RHBDL2: variants seen among roughly 807,000 people sequenced by gnomAD.
RHBDL2 encodes rhomboid-related protein 2.
Under a neutral mutation model 31.7 loss-of-function variants are expected in RHBDL2, and 26 were observed. The observed-to-expected ratio is 0.82, with a 90% CI of 0.60 to 1.14. RHBDL2 has a LOEUF of 1.14. Among genes scored for constraint, RHBDL2 ranks in the 50% most tolerant of loss-of-function variants. The pLI is 0.00. For missense variants in RHBDL2, 336 were observed against 364.4 expected, an observed-to-expected ratio of 0.92 and a Z score of 0.63; for synonymous variants, 123 against 127.2, an observed-to-expected ratio of 0.97 and a Z score of 0.22.
chr1:38,901,681 C>G (rs1467940305), intron 4 of RHBDL2, among the ~76,000 whole-genome samples: 1 of 151,156 alleles, frequency 6.6e-6, no homozygotes, highest in Non-Finnish European at 1.5e-5. Flanking sequence ...ACTAAAAATG[C>G]AAAAATTAGC....
intron 1 of RHBDL2, among the ~76,000 whole-genome samples, chr1:38,920,222 C>T (rs1459815404): frequency 7.2e-6 from 1 of 139,310 alleles, no homozygotes; most frequent in Non-Finnish European, 1.5e-5. Context: ...GGCTGGAGTC[C>T]AGTGGTGCGA....
chr1:38,921,557 A>G (rs2124342172), intron 1 of RHBDL2, among the ~76,000 whole-genome samples: 1 of 152,330 alleles, frequency 6.6e-6, no homozygotes, highest in Admixed American at 6.5e-5. Context: ...ATCAAATTCA[A>G]CTGATTTTCA....
At chr1:38,924,648 G>A (rs2124345592) in intron 1 of RHBDL2, among the ~76,000 whole-genome samples, 1 of 151,896 alleles carries the variant, frequency 6.6e-6, no homozygotes, top group South Asian at 2.1e-4. Context: ...ACTTTGCCTA[G>A]AATAAGCATT....
chr1:38,927,339 A>C (rs1643389850), intron 1 of RHBDL2, among the ~76,000 whole-genome samples: 1 of 152,086 alleles, frequency 6.6e-6, no homozygotes, highest in African/African-American at 2.4e-5. Flanking sequence ...AGGCAGGAGA[A>C]CGGCATGAAC....
chr1:38,886,636 A>C lies in RHBDL2; in HGVS notation c.780T>G (p.Ile260Met), dbSNP rs774482972. The change falls in exon 8 of 8, where the codon ATT (isoleucine) becomes ATG (methionine). Residue 260 changes from isoleucine (I) to methionine (M), a missense_variant. Physicochemically the swap from Ile to Met is conservative, Grantham distance 10. Coordinates refer to ENST00000372990, the MANE Select transcript of RHBDL2 (RefSeq NM_017821.5). ...HIAGGFAGMS[I>M]GYTVFSCFDK... is the part of the protein sequence containing the mutation. ...CAAAGCAGCTAAACACCGTGTAGCC[A>C]ATGGACATTCCAGCAAATCCACCTG... 7.6e-6 allele frequency: 12 copies of C among 1,588,640 alleles called. No individual in the cohort carries two copies. Among genetic ancestry groups the C allele is most frequent in the Non-Finnish European group, 1.0e-5 (12 of 1,164,534 alleles).
At chr1:38,918,832 G>T in intron 2 of RHBDL2, 135 bp downstream of exon 2, 1 of 1,035,284 alleles carries the variant, frequency 9.7e-7, no homozygotes, top group Non-Finnish European at 1.4e-6. Flanking sequence ...GCAGAGGTGA[G>T]GTGTGTGCTG....
chr1:38,920,862 G>A (rs1448633658), intron 1 of RHBDL2, among the ~76,000 whole-genome samples: 14 of 150,914 alleles, frequency 9.3e-5, no homozygotes, highest in African/African-American at 2.4e-4. Flanking sequence ...TGATCCGCCC[G>A]CCTCGGCCTC....
chr1:38,908,036 AAC>A (rs1207088706), intron 4 of RHBDL2, among the ~76,000 whole-genome samples: 1 of 152,122 alleles, frequency 6.6e-6, no homozygotes, highest in Admixed American at 6.6e-5. Flanking sequence ...CTCAAAATTC[AAC>A]AGTTAAAAAA....
chr1:38,888,500 G>C (rs1400867324), intron 6 of RHBDL2, among the ~76,000 whole-genome samples: 1 of 152,182 alleles, frequency 6.6e-6, no homozygotes, highest in South Asian at 2.1e-4. Flanking sequence ...GTGTCAAGGA[G>C]GATCTCTTTG....
At chr1:38,915,897 C>A (rs1010823015) in intron 2 of RHBDL2, among the ~76,000 whole-genome samples, 187 bp from the exon 3 acceptor site, 2 of 152,200 alleles carry the variant, frequency 1.3e-5, no homozygotes, top group African/African-American at 4.8e-5. Context: ...TACCCCACTT[C>A]CTCTGATGGT....
intron 1 of RHBDL2, among the ~76,000 whole-genome samples, chr1:38,925,272 C>T (rs10890514): frequency 0.16 from 23,785 of 151,682 alleles, 3,857 homozygotes; most frequent in African/African-American, 0.41. Context: ...CCGAGGCAGG[C>T]AGATCACTTG....
chr1:38,901,054 GATAAATAA>G (rs113007332), intron 4 of RHBDL2, among the ~76,000 whole-genome samples: 12 of 148,770 alleles, frequency 8.1e-5, no homozygotes, highest in East Asian at 3.9e-4. Context: ...TCTCTAAATA[GATAAATAA>G]ATAAATAAAT....
intron 1 of RHBDL2, among the ~76,000 whole-genome samples, chr1:38,930,653 A>T (rs1204627516): frequency 6.6e-6 from 1 of 152,174 alleles, no homozygotes; most frequent in Non-Finnish European, 1.5e-5. Flanking sequence ...AGACAGACAC[A>T]CTATTTACAT....
chr1:38,900,488 G>A (rs1642975031), intron 4 of RHBDL2, among the ~76,000 whole-genome samples: 1 of 152,166 alleles, frequency 6.6e-6, no homozygotes, highest in African/African-American at 2.4e-5. Context: ...AGGCATGGTG[G>A]TGCATGCCTA....
intron 2 of RHBDL2, among the ~76,000 whole-genome samples, chr1:38,918,742 G>A (rs530432877): frequency 1.3e-5 from 2 of 152,280 alleles, no homozygotes; most frequent in South Asian, 4.2e-4. Flanking sequence ...AGATTTGTCT[G>A]ACAAATGAAA....
At chr1:38,901,622 G>C (rs1048599760) in intron 4 of RHBDL2, among the ~76,000 whole-genome samples, 1 of 151,780 alleles carries the variant, frequency 6.6e-6, no homozygotes, top group African/African-American at 2.4e-5. Flanking sequence ...GATCACCTGA[G>C]GTCAGGAGTC....
Position 38,886,287 on chromosome 1 carries a change from C to T in RHBDL2, c.*217G>A. ...CTAGTTTTTACTACCCTTCTTTTCT[C>T]TCTTCTTCTTCCCTTTCTACATTAA... On this transcript the variant is annotated 3_prime_UTR_variant, in exon 8 of 8. Coordinates refer to ENST00000372990, the MANE Select transcript of RHBDL2 (RefSeq NM_017821.5). 1 of 331,702 alleles carries T rather than the reference C, an allele frequency of 3.0e-6. No individual in the cohort carries two copies. Among genetic ancestry groups the T allele is most frequent in the Admixed American group, 4.9e-5 (1 of 20,514 alleles). 20.5% of individuals were successfully genotyped at this position (331,702 alleles called of 1,614,324 possible).
chr1:38,895,316 T>C (rs1024044617), intron 5 of RHBDL2, among the ~76,000 whole-genome samples: 2 of 152,106 alleles, frequency 1.3e-5, no homozygotes, highest in African/African-American at 4.8e-5. Context: ...TTTACTTTCT[T>C]AATAAACTTG....
At chr1:38,936,737 T>A (rs1643515856) in intron 1 of RHBDL2, among the ~76,000 whole-genome samples, 1 of 151,900 alleles carries the variant, frequency 6.6e-6, no homozygotes, top group Admixed American at 6.6e-5. Context: ...TGACCTCAGG[T>A]GATCCACCCA....
Sources: gnomAD v4.1 joint callset for allele counts (sites outside exome capture counted in the v4.1 genomes callset) on GRCh38, gnomAD v4.1.1 for gene constraint, MANE v1.5 for transcripts, NCBI Gene and HGNC (gene_info 2026-07-23, HGNC 2026-07-21) for gene names.